FSHR: variants seen among roughly 807,000 people sequenced by gnomAD.
The protein encoded by FSHR is follicle-stimulating hormone receptor.
FSHR carries 46 observed loss-of-function variants against 52.1 expected under a neutral mutation model. The observed-to-expected ratio is 0.88, with a 90% CI of 0.70 to 1.13. The LOEUF (loss-of-function observed/expected upper bound fraction) is 1.13, where lower values mean the gene tolerates loss of function less well. Ranked by LOEUF, FSHR falls within the 50% of genes most tolerant of loss-of-function variation. The pLI is 0.00. For synonymous variants in FSHR, 399 were observed against 309.6 expected (o/e 1.29, Z -3.03); for missense variants, 964 against 834.6 (o/e 1.16, Z -1.91).
intron 2 of FSHR, among the ~76,000 whole-genome samples, chr2:49,062,651 G>C (rs1669357317): frequency 6.6e-6 from 1 of 151,800 alleles, no homozygotes; most frequent in South Asian, 2.1e-4. Context: ...GAAAATATTT[G>C]GAAACTACTC....
At chr2:49,000,334 G>A (rs534777015) in intron 4 of FSHR, among the ~76,000 whole-genome samples, 1 of 152,276 alleles carries the variant, frequency 6.6e-6, no homozygotes, top group Admixed American at 6.5e-5. Flanking sequence ...AGTCAAAAGG[G>A]AAGTAAACTT....
At chr2:49,009,130 A>ATGG in intron 4 of FSHR, among the ~76,000 whole-genome samples, 1 of 151,886 alleles carries the variant, frequency 6.6e-6, no homozygotes, top group Admixed American at 6.6e-5. Flanking sequence ...GGTAATGCCA[A>ATGG]GTTTTCTTCT....
chr2:49,111,389 C>T (rs1275071690), intron 1 of FSHR, among the ~76,000 whole-genome samples: 3 of 152,144 alleles, frequency 2.0e-5, no homozygotes, highest in Non-Finnish European at 2.9e-5. Flanking sequence ...TCTTTGAATT[C>T]AGACCGATTA....
intron 2 of FSHR, among the ~76,000 whole-genome samples, chr2:49,020,666 T>A (rs1273705476): frequency 6.6e-6 from 1 of 152,170 alleles, no homozygotes; most frequent in East Asian, 1.9e-4. Context: ...ACTTTATTCA[T>A]AAAAACAGGT....
At chr2:48,981,723 A>G (rs925095059) in intron 8 of FSHR, among the ~76,000 whole-genome samples, 2 of 152,190 alleles carry the variant, frequency 1.3e-5, no homozygotes, top group East Asian at 1.9e-4. Context: ...CTGACTCTCC[A>G]TACCAAGTCT....
At chr2:49,038,359 C>T (rs1420766871) in intron 2 of FSHR, among the ~76,000 whole-genome samples, 4 of 152,152 alleles carry the variant, frequency 2.6e-5, no homozygotes, top group East Asian at 3.9e-4. Context: ...CAGTGGCTCA[C>T]GCCTGTAATC....
chr2:49,083,482 T>A (rs1670254058), intron 1 of FSHR, among the ~76,000 whole-genome samples: 1 of 146,616 alleles, frequency 6.8e-6, no homozygotes, highest in African/African-American at 2.5e-5. Context: ...AGGATCAAAT[T>A]CACACATAAC....
chr2:49,061,735 G>GCTATTTATATATAA (rs56172410), intron 2 of FSHR, among the ~76,000 whole-genome samples: 1 of 131,302 alleles, frequency 7.6e-6, no homozygotes, highest in Admixed American at 8.1e-5. Flanking sequence ...AAAATATATA[G>GCTATTTATATATAA]CTATTTATAT....
intron 1 of FSHR, among the ~76,000 whole-genome samples, chr2:49,092,852 G>A (rs966779543): frequency 1.1e-4 from 16 of 152,060 alleles, no homozygotes; most frequent in Non-Finnish European, 1.9e-4. Flanking sequence ...TTTTAGTAGA[G>A]ATGGGGTTTC....
intron 4 of FSHR, among the ~76,000 whole-genome samples, chr2:49,004,877 G>GCATA (rs1559125329): frequency 6.6e-6 from 1 of 152,084 alleles, no homozygotes; most frequent in African/African-American, 2.4e-5. Flanking sequence ...TTGTAAGAAG[G>GCATA]CATATCCTAT....
intron 2 of FSHR, among the ~76,000 whole-genome samples, chr2:49,034,436 T>C (rs1478064293): frequency 2.0e-5 from 3 of 152,200 alleles, no homozygotes; most frequent in African/African-American, 7.2e-5. Context: ...TAGAGCAAAG[T>C]GGTATATGCA....
intron 2 of FSHR, among the ~76,000 whole-genome samples, chr2:49,034,160 A>ACTTTCTGCCTGCCACTCC (rs1241510571): frequency 2.6e-5 from 4 of 152,138 alleles, no homozygotes; most frequent in African/African-American, 4.8e-5. Context: ...ACAGTGATTG[A>ACTTTCTGCCTGCCACTCC]CTTTCTGCCT....
chr2:48,977,583 T>C (rs1199413749), intron 8 of FSHR, among the ~76,000 whole-genome samples: 1 of 152,198 alleles, frequency 6.6e-6, no homozygotes, highest in East Asian at 1.9e-4. Context: ...TTGTGTGACA[T>C]GATGACAAGG....
chr2:48,980,369 A>G (rs562860940), intron 8 of FSHR, among the ~76,000 whole-genome samples: 2 of 152,370 alleles, frequency 1.3e-5, no homozygotes, highest in South Asian at 2.1e-4. Flanking sequence ...CAATGGGCCT[A>G]TAACTTGAGG....
chr2:49,079,974 G>A (rs2103652786), intron 1 of FSHR, among the ~76,000 whole-genome samples: 1 of 152,118 alleles, frequency 6.6e-6, no homozygotes, highest in South Asian at 2.1e-4. Context: ...TGCCAGTAAA[G>A]TATATAAAGA....
In FSHR at chr2:49,030,611, G is replaced by C. The variant is rs572818997; in HGVS notation, c.225-10451C>G. On this transcript the variant is annotated intron_variant, in intron 2 of 9. Coordinates refer to ENST00000406846, the MANE Select transcript of FSHR (RefSeq NM_000145.4). ...CTCACATTTGGCTGCTTTTGTATTT[G>C]AGTCACACTGATGGTCTTATTTTAT... 3.9e-5 allele frequency among the ~76,000 whole-genome samples: 6 copies of C among 152,254 alleles called. No individual in the cohort carries two copies. The East Asian group carries it at 1.2e-3, about 29-fold the overall frequency.
chr2:49,077,851 C>CA (rs911172405), intron 1 of FSHR, among the ~76,000 whole-genome samples: 43 of 152,166 alleles, frequency 2.8e-4, no homozygotes, highest in Admixed American at 2.7e-3. Flanking sequence ...TTCCAGTTAC[C>CA]AACAAGTTCC....
At chr2:49,034,187 C>A (rs985697681) in intron 2 of FSHR, among the ~76,000 whole-genome samples, 5 of 152,174 alleles carry the variant, frequency 3.3e-5, no homozygotes, top group African/African-American at 1.2e-4. Flanking sequence ...CCCTTCCTCT[C>A]CCCTTCCCCA....
At chr2:48,977,688 A>G (rs1255555394) in intron 8 of FSHR, among the ~76,000 whole-genome samples, 2 of 152,192 alleles carry the variant, frequency 1.3e-5, no homozygotes, top group South Asian at 2.1e-4. Flanking sequence ...CCTTGGCCAG[A>G]TGCATTACAG....
Sources: allele counts gnomAD v4.1 joint callset (sites outside exome capture counted in the v4.1 genomes callset), GRCh38; gene constraint gnomAD v4.1.1; transcripts MANE v1.5; gene names NCBI Gene and HGNC (gene_info 2026-07-23, HGNC 2026-07-21).